The following KCNAB1 variants were observed in gnomAD, a reference collection of about 807,000 sequenced individuals.
KCNAB1 encodes potassium voltage-gated channel subfamily A regulatory beta subunit 1, also known as voltage-gated potassium channel subunit beta-1.
Under a neutral mutation model 64.6 loss-of-function variants are expected in KCNAB1, and 35 were observed. The observed-to-expected ratio is 0.54, with a 90% CI of 0.41 to 0.72. KCNAB1 has a LOEUF of 0.72. Among genes scored for constraint, KCNAB1 ranks in the 30% least tolerant of loss-of-function variants. The probability of loss-of-function intolerance (pLI) is 0.00; values close to 1 mark genes in which losing one functional copy is unlikely to be tolerated. For synonymous variants in KCNAB1, 177 were observed against 183.8 expected, an observed-to-expected ratio of 0.96 and a Z score of 0.30; for missense variants, 401 against 512.9, an observed-to-expected ratio of 0.78 and a Z score of 2.11.
intron 1 of KCNAB1, among the ~76,000 whole-genome samples, chr3:156,153,605 T>C (rs1479253016): frequency 6.6e-6 from 1 of 152,154 alleles, no homozygotes; most frequent in Non-Finnish European, 1.5e-5. Flanking sequence ...CCCACTGTGG[T>C]TGGGCGTCAT....
At chr3:156,208,921 G>C (rs1714839985) in intron 1 of KCNAB1, among the ~76,000 whole-genome samples, 1 of 152,176 alleles carries the variant, frequency 6.6e-6, no homozygotes, top group African/African-American at 2.4e-5. Flanking sequence ...CAGGTGTATA[G>C]TTCTCAAGAA....
At chr3:156,495,258 G>A (rs1450996597) in intron 8 of KCNAB1, among the ~76,000 whole-genome samples, 1 of 152,044 alleles carries the variant, frequency 6.6e-6, no homozygotes, top group Non-Finnish European at 1.5e-5. Flanking sequence ...TGAAGAAAAA[G>A]GAATACTTTT....
chr3:156,349,775 G>A (rs559900863), intron 1 of KCNAB1, among the ~76,000 whole-genome samples: 2 of 152,276 alleles, frequency 1.3e-5, no homozygotes, highest in African/African-American at 4.8e-5. Context: ...ATGTTGCCCA[G>A]GCTGGTTGTA....
chr3:156,291,343 C>T lies in KCNAB1; in HGVS notation c.276-130273C>T, dbSNP rs1447149623. On this transcript the variant is annotated intron_variant, in intron 1 of 13. Coordinates refer to ENST00000490337, the MANE Select transcript of KCNAB1 (RefSeq NM_172160.3). ...AGCTGACAGCCGGAGTGGATGGAGACCACCAGTCCGAGGGGACCCGCTTGC... is the reference window on the plus strand; with the variant it reads ...AGCTGACAGCCGGAGTGGATGGAGATCACCAGTCCGAGGGGACCCGCTTGC... 14 of 992,422 alleles carry T rather than the reference C, an allele frequency of 1.4e-5. No homozygotes were observed. The African/African-American group carries it at 2.3e-4, about 16-fold the overall frequency. The allele number at this position is 992,422 out of a possible 1,614,324, so 61.5% of individuals were successfully genotyped here.
intron 1 of KCNAB1, among the ~76,000 whole-genome samples, chr3:156,135,937 C>T (rs970811652): frequency 1.3e-5 from 2 of 152,188 alleles, no homozygotes; most frequent in Non-Finnish European, 2.9e-5. Flanking sequence ...AACAAATAAG[C>T]ATCATTCAGA....
At chr3:156,416,194 C>T (rs1227208378) in intron 1 of KCNAB1, among the ~76,000 whole-genome samples, 1 of 152,200 alleles carries the variant, frequency 6.6e-6, no homozygotes, top group East Asian at 1.9e-4. Flanking sequence ...AGCTCCTCTT[C>T]TTACCTTCCT....
At chr3:156,525,868 GTTAAT>G (rs767301053) in intron 12 of KCNAB1, among the ~76,000 whole-genome samples, 2 of 152,150 alleles carry the variant, frequency 1.3e-5, no homozygotes, top group African/African-American at 2.4e-5. Flanking sequence ...GTTAGCTAAT[GTTAAT>G]TTATTATTGA....
chr3:156,349,359 G>C (rs138112506), intron 1 of KCNAB1, among the ~76,000 whole-genome samples: 44 of 152,224 alleles, frequency 2.9e-4, no homozygotes, highest in Admixed American at 5.2e-4. Context: ...AAACAGTTCA[G>C]TACAACTCCC....
intron 1 of KCNAB1, among the ~76,000 whole-genome samples, chr3:156,219,320 G>A (rs1289364482): frequency 6.6e-6 from 1 of 151,778 alleles, no homozygotes. Context: ...AAATGCCCTG[G>A]AAAGTCTCAG....
At chr3:156,524,305 A>G (rs1718149555) in intron 12 of KCNAB1, 1 of 168,008 alleles carries the variant, frequency 6.0e-6, no homozygotes, top group Non-Finnish European at 1.3e-5. Context: ...AGAAGATGAG[A>G]TACAGGGCTG....
intron 1 of KCNAB1, among the ~76,000 whole-genome samples, chr3:156,318,365 AGAGT>A (rs1459672063): frequency 2.7e-4 from 41 of 152,354 alleles, no homozygotes; most frequent in African/African-American, 9.6e-4. Flanking sequence ...CCAGGCAGGC[AGAGT>A]GAGTGCCCCC....
rs1303964081 is a variant in KCNAB1, at chr3:156,258,298, A to T, written c.275+137412A>T. On this transcript the variant is annotated intron_variant, in intron 1 of 13. Coordinates refer to ENST00000490337, the MANE Select transcript of KCNAB1 (RefSeq NM_172160.3). ...GAAAGGAGAAGCCTGGACAGGCCAAAAGAACAGACTGGGTCATTTTAGCAC... is the reference window on the plus strand; with the variant it reads ...GAAAGGAGAAGCCTGGACAGGCCAATAGAACAGACTGGGTCATTTTAGCAC... Among the ~76,000 whole-genome samples, 5 of 152,226 alleles carry T rather than the reference A, an allele frequency of 3.3e-5. No individual in the cohort carries two copies. The East Asian group carries it at 9.6e-4, about 29-fold the overall frequency.
intron 8 of KCNAB1, among the ~76,000 whole-genome samples, chr3:156,491,943 G>A (rs1715662252): frequency 6.6e-6 from 1 of 152,044 alleles, no homozygotes; most frequent in African/African-American, 2.4e-5. Context: ...TTCGATTCTG[G>A]AATGTAATTT....
chr3:156,341,019 C>T (rs749871349), intron 1 of KCNAB1, among the ~76,000 whole-genome samples: 17 of 152,176 alleles, frequency 1.1e-4, no homozygotes, highest in Admixed American at 6.5e-5. Context: ...AGACACTCCT[C>T]CTGTTATGCA....
In KCNAB1 at chr3:156,537,307, A is replaced by C. The variant is rs1475476744; in HGVS notation, c.*560A>C. On this transcript the variant is annotated 3_prime_UTR_variant, in exon 14 of 14. Transcript: ENST00000490337. ...GAAGAATAAGCAGAAATAATTTTAT[A>C]TATTTTTTTTCTATTTTCACATTCA... 4 of 357,738 alleles carry C rather than the reference A, an allele frequency of 1.1e-5. No homozygotes were observed. Among genetic ancestry groups the C allele is most frequent in the Non-Finnish European group, 2.0e-5 (4 of 202,602 alleles). 22.2% of individuals were successfully genotyped at this position (357,738 alleles called of 1,614,324 possible). A position where few individuals can be genotyped will look rare whatever the true frequency, so the allele number is the denominator to read the frequency against.
chr3:156,400,820 T>C (rs1054337680), intron 1 of KCNAB1, among the ~76,000 whole-genome samples: 1 of 152,148 alleles, frequency 6.6e-6, no homozygotes, highest in African/African-American at 2.4e-5. Flanking sequence ...GGAAGCCTCT[T>C]TCAAATACCA....
At chr3:156,290,792 C>T (rs1399095887) in intron 1 of KCNAB1, among the ~76,000 whole-genome samples, 4 of 152,234 alleles carry the variant, frequency 2.6e-5, no homozygotes, top group African/African-American at 4.8e-5. Context: ...ATCCCAGTCC[C>T]TCCTCTGGTA....
At chr3:156,186,946 G>A (rs1392033222) in intron 1 of KCNAB1, among the ~76,000 whole-genome samples, 1 of 151,670 alleles carries the variant, frequency 6.6e-6, no homozygotes, top group African/African-American at 2.4e-5. Flanking sequence ...CTACCTCCCG[G>A]GCTCAAGTGA....
In KCNAB1 at chr3:156,289,785, C is replaced by A. The variant is rs531498576; in HGVS notation, c.276-131831C>A. ...AATTCATGTTTGGAATAGAATGCAACACAGGCACATATTCTCCTTGAAAAT... is the reference window on the plus strand; with the variant it reads ...AATTCATGTTTGGAATAGAATGCAAAACAGGCACATATTCTCCTTGAAAAT... On this transcript the variant is annotated intron_variant, in intron 1 of 13. Transcript: ENST00000490337. Among the ~76,000 whole-genome samples the A allele has an allele frequency of 4.7e-4, 71 of 152,346 alleles. 1 individual carries two copies. The highest frequency in any genetic ancestry group is 2.5e-3 in the South Asian group (12 of 4,832).
Sources: gnomAD v4.1 joint callset for allele counts (sites outside exome capture counted in the v4.1 genomes callset) on GRCh38, gnomAD v4.1.1 for gene constraint, MANE v1.5 for transcripts, NCBI Gene and HGNC (gene_info 2026-07-23, HGNC 2026-07-21) for gene names.